The following FBXO31 variants were observed in gnomAD, a reference collection of about 807,000 sequenced individuals.
The protein encoded by FBXO31 is F-box only protein 31.
Under a neutral mutation model 54.4 loss-of-function variants are expected in FBXO31, and 24 were observed. The observed-to-expected ratio is 0.44, with a 90% CI of 0.32 to 0.62. FBXO31 has a LOEUF of 0.62. FBXO31 is among the 20% of genes least tolerant of loss of function. The pLI, the probability that FBXO31 is intolerant of heterozygous loss-of-function variation, is 0.05. For synonymous variants in FBXO31, 388 were observed against 335.6 expected (o/e 1.16, Z -1.71); for missense variants, 665 against 787.1 (o/e 0.84, Z 1.86).
chr16:87,343,656 T>G lies in FBXO31; in HGVS notation c.599A>C (p.Lys200Thr). Reference protein sequence around the residue: ...PLFRIHLMERKAATVECMYGH... With the variant: ...PLFRIHLMERTAATVECMYGH... Reference sequence around the variant, plus strand: ...GTACATGCACTCCACTGTGGCAGCCTTCCTCTCCATCAGGTGGATCCTGAA... The same window carrying G: ...GTACATGCACTCCACTGTGGCAGCCGTCCTCTCCATCAGGTGGATCCTGAA... The change falls in exon 4 of 9, where the codon AAG becomes ACG. Residue 200 changes from lysine to threonine, a missense_variant. Physicochemically the swap from Lys to Thr is moderately conservative, Grantham distance 78. Around this residue, in one of 4 missense-constraint regions of FBXO31, gnomAD observed 234 missense variants for 346.8 expected, o/e 0.67. Transcript: ENST00000311635. 6.2e-7 allele frequency: 1 copy of G among 1,614,090 alleles called. No individual in the cohort carries two copies. The highest frequency in any genetic ancestry group is 1.7e-5 in the Admixed American group (1 of 60,022).
upstream of FBXO31, among the ~76,000 whole-genome samples, chr16:87,391,429 A>G (rs1047456706): frequency 6.6e-6 from 1 of 152,202 alleles, no homozygotes; most frequent in Non-Finnish European, 1.5e-5. Context: ...GGAGTCCTCA[A>G]ATATGACTGC....
rs541796171 is a variant in FBXO31, at chr16:87,358,784, G to C, written c.412+1511C>G. Among the ~76,000 whole-genome samples, 1 of 152,126 alleles carries C rather than the reference G, an allele frequency of 6.6e-6. No homozygotes were observed. Among genetic ancestry groups the C allele is most frequent in the Non-Finnish European group, 1.5e-5 (1 of 68,014 alleles). Reference sequence around the variant, plus strand: ...CTCCTCCCGGGGCCAGCACACTCCCGGCAGGCCCCAGGCCACAGCTCACTG... The same window carrying C: ...CTCCTCCCGGGGCCAGCACACTCCCCGCAGGCCCCAGGCCACAGCTCACTG... On this transcript the variant is annotated intron_variant, in intron 2 of 8. Coordinates refer to ENST00000311635, the MANE Select transcript of FBXO31 (RefSeq NM_024735.5). The surrounding 1 kb of genome is among the most constrained non-coding windows in gnomAD (Gnocchi z 4.0).
chr16:87,346,501 A>G lies in FBXO31; in HGVS notation c.489+673T>C, dbSNP rs1360872811. Among the ~76,000 whole-genome samples, 2 of 152,212 alleles carry G rather than the reference A, an allele frequency of 1.3e-5. No individual in the cohort carries two copies. Among genetic ancestry groups the G allele is most frequent in the Non-Finnish European group, 2.9e-5 (2 of 68,038 alleles). On this transcript the variant is annotated intron_variant, in intron 3 of 8. Coordinates refer to ENST00000311635, the MANE Select transcript of FBXO31 (RefSeq NM_024735.5). The surrounding 1 kb of genome is among the most constrained non-coding windows in gnomAD (Gnocchi z 4.2). Reference sequence around the variant, plus strand: ...CTCCAGCCATGATCAAGTACCCAGGACTAGACAGGCACTGCCATGGCAGAC... The same window carrying G: ...CTCCAGCCATGATCAAGTACCCAGGGCTAGACAGGCACTGCCATGGCAGAC...
At chr16:87,371,734 A>G (rs1475186031) in intron 1 of FBXO31, among the ~76,000 whole-genome samples, 1 of 152,246 alleles carries the variant, frequency 6.6e-6, no homozygotes, top group Non-Finnish European at 1.5e-5. Flanking sequence ...CAGATGCATT[A>G]CGTCATTGCA....
chr16:87,352,259 C>T (rs1383806937), intron 2 of FBXO31, among the ~76,000 whole-genome samples: 1 of 152,146 alleles, frequency 6.6e-6, no homozygotes, highest in Non-Finnish European at 1.5e-5. Context: ...CACAGGAAAA[C>T]CAACAACCTT....
At position 87,379,286 on chromosome 16, in the gene FBXO31, C is replaced by T. The variant is rs188948555; in HGVS notation, c.340+4119G>A. Among the ~76,000 whole-genome samples, 215 of 152,144 alleles carry T rather than the reference C, an allele frequency of 1.4e-3. 2 individuals are homozygous for T. The South Asian group carries it at 0.018, about 13-fold the overall frequency. Reference sequence around the variant, plus strand: ...GGTGGGAAAATCTACAGGGAAAGGACGCAAACCTTCTGAAAGGTGGGAAGG... The same window carrying T: ...GGTGGGAAAATCTACAGGGAAAGGATGCAAACCTTCTGAAAGGTGGGAAGG... On this transcript the variant is annotated intron_variant, in intron 1 of 8. Transcript: ENST00000311635.
At chr16:87,356,089 C>T (rs1007528239) in intron 2 of FBXO31, among the ~76,000 whole-genome samples, 2 of 151,950 alleles carry the variant, frequency 1.3e-5, no homozygotes, top group African/African-American at 2.4e-5. Context: ...ATTAGCCGGG[C>T]GTGGTGGCAG....
At chr16:87,355,960 G>A (rs565202774) in intron 2 of FBXO31, among the ~76,000 whole-genome samples, 1 of 152,308 alleles carries the variant, frequency 6.6e-6, no homozygotes, top group East Asian at 1.9e-4. Flanking sequence ...TGCGACATGA[G>A]GAGCCTCTCA....
chr16:87,368,808 T>C (rs1401955007), intron 1 of FBXO31, among the ~76,000 whole-genome samples: 2 of 152,214 alleles, frequency 1.3e-5, no homozygotes, highest in Non-Finnish European at 2.9e-5. Flanking sequence ...TTTGTTTATT[T>C]GTCTTTTTGA....
At chr16:87,333,427 G>A (rs934447687) in intron 8 of FBXO31, among the ~76,000 whole-genome samples, 5 of 152,218 alleles carry the variant, frequency 3.3e-5, no homozygotes, top group African/African-American at 4.8e-5. Context: ...AAAGGTGACC[G>A]GCAAGACGCT....
At chr16:87,384,075 G>A (rs570563096), upstream of FBXO31, 14 of 166,096 alleles carry the variant, frequency 8.4e-5, no homozygotes, top group South Asian at 2.0e-4. Context: ...CTGACGCGCT[G>A]CCTACTGCGC....
At chr16:87,355,686 C>T (rs755187071) in intron 2 of FBXO31, among the ~76,000 whole-genome samples, 2 of 152,318 alleles carry the variant, frequency 1.3e-5, no homozygotes, top group Non-Finnish European at 2.9e-5. Context: ...GCCGCCAGCT[C>T]GAAGCAACTG....
intron 3 of FBXO31, 81 bp downstream of exon 3, chr16:87,347,093 T>G: frequency 8.0e-7 from 1 of 1,251,524 alleles, no homozygotes. Flanking sequence ...TGTACCCAGG[T>G]AGAAGAGGCC....
chr16:87,336,106 C>G lies in FBXO31; in HGVS notation c.842+49G>C. The G allele has an allele frequency of 6.5e-7, 1 of 1,528,210 alleles. No individual in the cohort carries two copies. Among genetic ancestry groups the G allele is most frequent in the Non-Finnish European group, 9.1e-7 (1 of 1,104,264 alleles). The allele number at this position is 1,528,210 out of a possible 1,614,324, so 94.7% of individuals were successfully genotyped here. On this transcript the variant is annotated intron_variant, in intron 6 of 8. Transcript: ENST00000311635. The surrounding 1 kb of genome is among the most constrained non-coding windows in gnomAD (Gnocchi z 6.5). ...CCACCGGGACAGGGCTGGTCCCCAG[C>G]ACACACCAGGAGAGGGCTACCCCAG... is the stretch of plus-strand genomic sequence containing the variant.
At position 87,358,219 on chromosome 16, in the gene FBXO31, A is replaced by G. The variant is rs1382125355; in HGVS notation, c.412+2076T>C. Among the ~76,000 whole-genome samples, 1 of 152,194 alleles carries G rather than the reference A, an allele frequency of 6.6e-6. No individual in the cohort carries two copies. On this transcript the variant is annotated intron_variant, in intron 2 of 8. Transcript: ENST00000311635. The surrounding 1 kb of genome is among the most constrained non-coding windows in gnomAD (Gnocchi z 4.0). ...GCCAAATGCAGCCTGGGTCCAACACACAGGTGTGATCTCTGTCACAGCTGA... is the reference window on the plus strand; with the variant it reads ...GCCAAATGCAGCCTGGGTCCAACACGCAGGTGTGATCTCTGTCACAGCTGA...
In FBXO31 at chr16:87,380,201, G is replaced by A. The variant is rs996859068; in HGVS notation, c.340+3204C>T. Among the ~76,000 whole-genome samples the A allele has an allele frequency of 2.7e-4, 40 of 148,344 alleles. 1 individual carries two copies. The highest frequency in any genetic ancestry group is 3.4e-3 in the Middle Eastern group (1 of 294). On this transcript the variant is annotated intron_variant, in intron 1 of 8. Coordinates refer to ENST00000311635, the MANE Select transcript of FBXO31 (RefSeq NM_024735.5). ...TAGTCCCAGCTACTTAAGAGGCTGA[G>A]GCAGGAGAATTGCTTGAACTCAGGA... is the stretch of plus-strand genomic sequence containing the variant.
chr16:87,370,718 G>A (rs540961365), intron 1 of FBXO31, among the ~76,000 whole-genome samples: 4 of 152,332 alleles, frequency 2.6e-5, no homozygotes, highest in Non-Finnish European at 4.4e-5. Flanking sequence ...GGAGCAGAGT[G>A]AAGCCAGGAG....
chr16:87,360,066 T>C (rs1284535876), intron 2 of FBXO31, among the ~76,000 whole-genome samples: 1 of 152,222 alleles, frequency 6.6e-6, no homozygotes, highest in Non-Finnish European at 1.5e-5. Flanking sequence ...AGGGCCTCGA[T>C]GCCTGGTAAA....
At chr16:87,378,725 G>A (rs2150697926) in intron 1 of FBXO31, among the ~76,000 whole-genome samples, 1 of 152,314 alleles carries the variant, frequency 6.6e-6, no homozygotes, top group African/African-American at 2.4e-5. Context: ...ACTTTGGGAG[G>A]CAGAGGCGGG....
Sources: gnomAD v4.1 joint callset for allele counts (sites outside exome capture counted in the v4.1 genomes callset) on GRCh38, gnomAD v4.1.1 for gene constraint, gnomAD v4.1.1 regional missense constraint, Gnocchi (gnomAD v3.1) non-coding constraint, MANE v1.5 for transcripts, NCBI Gene and HGNC (gene_info 2026-07-23, HGNC 2026-07-21) for gene names.